Variants in PRKCE observed in about 807,000 individuals in gnomAD.
The protein encoded by PRKCE is protein kinase C epsilon.
PRKCE carries 16 observed loss-of-function variants against 85.4 expected under a neutral mutation model. The ratio of observed to expected loss-of-function variants is 0.19; its 90% confidence interval spans 0.13 to 0.28. PRKCE has a LOEUF of 0.28. PRKCE is among the 10% of genes least tolerant of loss of function. The pLI, the probability that PRKCE is intolerant of heterozygous loss-of-function variation, is 1.00. For synonymous variants in PRKCE, 388 were observed against 371.5 expected, an observed-to-expected ratio of 1.04 and a Z score of -0.51; for missense variants, 573 against 975.2, an observed-to-expected ratio of 0.59 and a Z score of 5.49.
intron 10 of PRKCE, chr2:46,078,387 A>G (rs1668740583): frequency 6.6e-6 from 1 of 151,924 alleles, no homozygotes. Context: ...AAAAAAAAAA[A>G]AAATTAGCTG....
chr2:45,783,317 G>A (rs1686342216), intron 1 of PRKCE, among the ~76,000 whole-genome samples: 1 of 152,180 alleles, frequency 6.6e-6, no homozygotes, highest in Non-Finnish European at 1.5e-5. Flanking sequence ...CCTGCTGGTG[G>A]CTGTCCTGTG....
At chr2:46,179,959 T>C (rs1256950700) in intron 14 of PRKCE, among the ~76,000 whole-genome samples, 2 of 151,590 alleles carry the variant, frequency 1.3e-5, no homozygotes, top group Non-Finnish European at 2.9e-5. Context: ...GCAAGAGAGG[T>C]GCATTTATTA....
At chr2:45,984,463 T>C in intron 5 of PRKCE, 88 bp from the exon 6 acceptor site, 1 of 1,538,900 alleles carries the variant, frequency 6.5e-7, no homozygotes, top group Non-Finnish European at 8.8e-7. Context: ...CAAGCTCTCT[T>C]GGAAAAAGTT....
At chr2:46,140,336 C>T (rs148010719) in intron 11 of PRKCE, among the ~76,000 whole-genome samples, 129 of 151,942 alleles carry the variant, frequency 8.5e-4, no homozygotes, top group African/African-American at 3.0e-3. Flanking sequence ...TATAGAGTGA[C>T]GTTATAGAAT....
chr2:46,105,975 A>G (rs1389502079), intron 11 of PRKCE, among the ~76,000 whole-genome samples: 1 of 152,190 alleles, frequency 6.6e-6, no homozygotes, highest in Non-Finnish European at 1.5e-5. Flanking sequence ...TGTATGTTTT[A>G]TAGTAGTAAA....
intron 1 of PRKCE, among the ~76,000 whole-genome samples, chr2:45,680,130 G>A (rs1234239299): frequency 6.6e-6 from 1 of 152,168 alleles, no homozygotes; most frequent in Admixed American, 6.5e-5. Flanking sequence ...CACAGACCAG[G>A]GCTAGCTATT....
At chr2:45,662,124 G>C (rs1449401158) in intron 1 of PRKCE, among the ~76,000 whole-genome samples, 2 of 152,040 alleles carry the variant, frequency 1.3e-5, no homozygotes, top group Non-Finnish European at 2.9e-5. Flanking sequence ...TTCATCATTT[G>C]GTACAGTGCT....
At chr2:45,701,846 T>G (rs1000232182) in intron 1 of PRKCE, among the ~76,000 whole-genome samples, 1 of 152,168 alleles carries the variant, frequency 6.6e-6, no homozygotes, top group Non-Finnish European at 1.5e-5. Flanking sequence ...TCTAGATTAT[T>G]TTTTTCCTTC....
At chr2:45,836,706 G>A (rs72801034) in intron 1 of PRKCE, among the ~76,000 whole-genome samples, 3,045 of 152,266 alleles carry the variant, frequency 0.02, 51 homozygotes, top group Middle Eastern at 0.041. Context: ...TGTCCTGATG[G>A]TTCCCCGTCT....
intron 3 of PRKCE, among the ~76,000 whole-genome samples, chr2:45,977,293 A>T (rs1053207965): frequency 6.6e-6 from 1 of 152,144 alleles, no homozygotes; most frequent in Non-Finnish European, 1.5e-5. Flanking sequence ...AATTCACTGA[A>T]TTATTTACAA....
At chr2:45,969,517 G>A (rs569777207) in intron 2 of PRKCE, among the ~76,000 whole-genome samples, 21 of 152,300 alleles carry the variant, frequency 1.4e-4, no homozygotes, top group African/African-American at 4.8e-4. Flanking sequence ...GGCAACTCTG[G>A]TGTGCAGCGG....
At chr2:45,780,709 C>A (rs1362491218) in intron 1 of PRKCE, among the ~76,000 whole-genome samples, 2 of 152,208 alleles carry the variant, frequency 1.3e-5, no homozygotes, top group African/African-American at 2.4e-5. Context: ...GGTGGCCCAC[C>A]CAATCCCACC....
chr2:46,171,532 C>G (rs1678896492), intron 14 of PRKCE, among the ~76,000 whole-genome samples: 1 of 152,224 alleles, frequency 6.6e-6, no homozygotes, highest in Non-Finnish European at 1.5e-5. Flanking sequence ...ATAGTACATG[C>G]CAGGGGCACA....
At chr2:46,049,353 G>T (rs1708719069) in intron 10 of PRKCE, among the ~76,000 whole-genome samples, 1 of 152,144 alleles carries the variant, frequency 6.6e-6, no homozygotes. Context: ...TCCTGACAAT[G>T]CACATAGCCC....
At chr2:45,955,574 C>G (rs1700916259) in intron 2 of PRKCE, among the ~76,000 whole-genome samples, 1 of 152,190 alleles carries the variant, frequency 6.6e-6, no homozygotes, top group African/African-American at 2.4e-5. Context: ...GTCCCAGCTA[C>G]TTCAGAGTTT....
intron 11 of PRKCE, among the ~76,000 whole-genome samples, chr2:46,118,134 A>G (rs1672955607): frequency 6.6e-6 from 1 of 152,258 alleles, no homozygotes; most frequent in African/African-American, 2.4e-5. Flanking sequence ...AGAACCAGGC[A>G]ACTCTAGAGG....
In PRKCE at chr2:45,753,776, T is replaced by C. The variant is rs149026808; in HGVS notation, c.349-89224T>C. ...TAACATTTTTGCTTCATCTTTTTCTTGCGGAAATATTCTAAAGCCAATCCC... is the reference window on the plus strand; with the variant it reads ...TAACATTTTTGCTTCATCTTTTTCTCGCGGAAATATTCTAAAGCCAATCCC... On this transcript the variant is annotated intron_variant, in intron 1 of 14. Transcript: ENST00000306156. Among the ~76,000 whole-genome samples the C allele has an allele frequency of 7.3e-3, 1,106 of 152,312 alleles. 22 individuals carry two copies. Among genetic ancestry groups the C allele is most frequent in the African/African-American group, 0.025 (1,042 of 41,562 alleles).
At position 45,991,081 on chromosome 2, in the gene PRKCE, A is replaced by T. The variant is rs577803966; in HGVS notation, c.823+6401A>T. On this transcript the variant is annotated intron_variant, in intron 6 of 14. Transcript: ENST00000306156. ...GAGTGCAGCGGTGCAATCTCAGCTC[A>T]CTGCAACCTCTGCCTCCTGGGTTCA... 9.3e-5 allele frequency among the ~76,000 whole-genome samples: 14 copies of T among 151,140 alleles called. No individual in the cohort carries two copies. In the East Asian group the frequency reaches 2.3e-3, roughly 25 times the overall value.
chr2:45,924,583 A>T (rs568301581), intron 2 of PRKCE, among the ~76,000 whole-genome samples: 2 of 152,338 alleles, frequency 1.3e-5, no homozygotes, highest in South Asian at 4.1e-4. Context: ...CTCACCAGGA[A>T]AAATGACAGG....
Sources: gnomAD v4.1 joint callset for allele counts (sites outside exome capture counted in the v4.1 genomes callset) on GRCh38, gnomAD v4.1.1 for gene constraint, MANE v1.5 for transcripts, NCBI Gene and HGNC (gene_info 2026-07-23, HGNC 2026-07-21) for gene names.